Variants in EPHA3 observed in about 807,000 individuals in gnomAD.
The protein encoded by EPHA3 is EPH receptor A3.
Under a neutral mutation model 107.1 loss-of-function variants are expected in EPHA3, and 42 were observed. The observed-to-expected ratio is 0.39, with a 90% CI of 0.31 to 0.51. The LOEUF is 0.51. Ranked by LOEUF, EPHA3 falls within the 20% of genes least tolerant of loss-of-function variation. The probability of loss-of-function intolerance (pLI) is 0.78; values close to 1 mark genes in which losing one functional copy is unlikely to be tolerated. For synonymous variants in EPHA3, 461 were observed against 424.8 expected (o/e 1.09, Z -1.05); for missense variants, 1,183 against 1,211.2 (o/e 0.98, Z 0.35).
At chr3:89,249,902 A>G (rs1218627014) in intron 3 of EPHA3, among the ~76,000 whole-genome samples, 4 of 152,148 alleles carry the variant, frequency 2.6e-5, no homozygotes, top group Non-Finnish European at 5.9e-5. Context: ...GATTCACCCA[A>G]CATTCACTCT....
chr3:89,321,206 G>A (rs1707036400), intron 3 of EPHA3, among the ~76,000 whole-genome samples: 1 of 152,026 alleles, frequency 6.6e-6, no homozygotes. Context: ...GAAGCAGCAT[G>A]TGAGTTGAAG....
intron 5 of EPHA3, among the ~76,000 whole-genome samples, chr3:89,350,929 GGGGGTCA>G (rs1364948037): frequency 6.6e-6 from 1 of 151,378 alleles, no homozygotes; most frequent in Non-Finnish European, 1.5e-5. Flanking sequence ...TAGGCTGCTC[GGGGGTCA>G]GGGGTCAGGG....
intron 2 of EPHA3, among the ~76,000 whole-genome samples, chr3:89,172,974 TAATG>T (rs1212441230): frequency 1.3e-5 from 2 of 152,152 alleles, no homozygotes; most frequent in African/African-American, 2.4e-5. Context: ...GTTAAAGTCT[TAATG>T]AAGAAGAAAT....
intron 3 of EPHA3, among the ~76,000 whole-genome samples, chr3:89,242,356 G>A (rs1704917958): frequency 6.6e-6 from 1 of 152,178 alleles, no homozygotes; most frequent in South Asian, 2.1e-4. Context: ...GTAAGTTTCA[G>A]TGTGAATACA....
chr3:89,181,246 C>T (rs1413786586), intron 2 of EPHA3, among the ~76,000 whole-genome samples: 1 of 151,902 alleles, frequency 6.6e-6, no homozygotes, highest in East Asian at 1.9e-4. Flanking sequence ...TTGTAATAGG[C>T]ATGTTGAAGA....
chr3:89,328,742 T>G (rs1302313986), intron 3 of EPHA3, among the ~76,000 whole-genome samples: 3 of 152,050 alleles, frequency 2.0e-5, no homozygotes, highest in Non-Finnish European at 4.4e-5. Flanking sequence ...GCCCTAACCT[T>G]CTCCTCAGGA....
intron 3 of EPHA3, among the ~76,000 whole-genome samples, chr3:89,300,805 G>A (rs1281006351): frequency 2.0e-5 from 3 of 151,946 alleles, no homozygotes; most frequent in Non-Finnish European, 4.4e-5. Flanking sequence ...TTTTTAAAAA[G>A]GGAACCTCTC....
intron 3 of EPHA3, among the ~76,000 whole-genome samples, chr3:89,234,714 C>T (rs1182987382): frequency 6.6e-6 from 1 of 151,084 alleles, no homozygotes; most frequent in Non-Finnish European, 1.5e-5. Context: ...TTCCCCCTTC[C>T]CTTCCCTTTT....
intron 3 of EPHA3, among the ~76,000 whole-genome samples, chr3:89,320,791 A>C (rs1707024499): frequency 6.6e-6 from 1 of 152,100 alleles, no homozygotes; most frequent in African/African-American, 2.4e-5. Context: ...GAAATATTCA[A>C]AATGTTACTA....
At chr3:89,271,788 T>C (rs1004969538) in intron 3 of EPHA3, among the ~76,000 whole-genome samples, 19 of 151,782 alleles carry the variant, frequency 1.3e-4, no homozygotes, top group Admixed American at 3.3e-4. Context: ...AAATAGAAAA[T>C]GCCATCAAGC....
At chr3:89,434,865 C>T (rs1480272657) in intron 13 of EPHA3, among the ~76,000 whole-genome samples, 1 of 152,076 alleles carries the variant, frequency 6.6e-6, no homozygotes, top group Non-Finnish European at 1.5e-5. Context: ...ATAGCTGTTT[C>T]GAGTTCTTCA....
At chr3:89,329,837 A>G (rs9310121) in intron 3 of EPHA3, among the ~76,000 whole-genome samples, 71,980 of 151,710 alleles carry the variant, frequency 0.47, 17,506 homozygotes, top group African/African-American at 0.56. Context: ...CTTCACTGGG[A>G]GAGGGGAATA....
intron 2 of EPHA3, among the ~76,000 whole-genome samples, chr3:89,208,746 G>T (rs373555493): frequency 6.6e-6 from 1 of 152,054 alleles, no homozygotes; most frequent in African/African-American, 2.4e-5. Flanking sequence ...TACTTATCTC[G>T]ATTCAAACAC....
chr3:89,146,033 C>T (rs1559751708), intron 2 of EPHA3, among the ~76,000 whole-genome samples: 1 of 151,838 alleles, frequency 6.6e-6, no homozygotes, highest in Non-Finnish European at 1.5e-5. Context: ...GATTTCTGTG[C>T]TTTCAGTTAC....
chr3:89,110,773 G>A (rs1394245220), intron 1 of EPHA3, among the ~76,000 whole-genome samples: 1 of 151,794 alleles, frequency 6.6e-6, no homozygotes, highest in Non-Finnish European at 1.5e-5. Context: ...GATGATTAAT[G>A]GTAAACAGAA....
chr3:89,322,467 G>C (rs532351921), intron 3 of EPHA3, among the ~76,000 whole-genome samples: 2 of 152,152 alleles, frequency 1.3e-5, no homozygotes, highest in South Asian at 4.1e-4. Flanking sequence ...CGATGGTACT[G>C]TACTTACTGA....
At chr3:89,192,960 C>T (rs1490098267) in intron 2 of EPHA3, among the ~76,000 whole-genome samples, 3 of 151,942 alleles carry the variant, frequency 2.0e-5, no homozygotes, top group Non-Finnish European at 4.4e-5. Context: ...GAAATATTTT[C>T]AAATAAATAT....
At chr3:89,214,676 G>A (rs1704182769) in intron 3 of EPHA3, among the ~76,000 whole-genome samples, 1 of 151,690 alleles carries the variant, frequency 6.6e-6, no homozygotes. Context: ...TTATTGTTAA[G>A]TGTTATTTTT....
rs1390092561 is a variant in EPHA3, at chr3:89,283,590, C to T, written c.815-57326C>T. 3.3e-5 allele frequency among the ~76,000 whole-genome samples: 5 copies of T among 152,090 alleles called. No homozygotes were observed. In the East Asian group the frequency reaches 9.6e-4, roughly 29 times the overall value. ...ATGACATTTTACATATGCATTGCCA[C>T]ATAGTGAAATGAGAGCAGAAGCAAA... On this transcript the variant is annotated intron_variant, in intron 3 of 16. Coordinates refer to ENST00000336596, the MANE Select transcript of EPHA3 (RefSeq NM_005233.6).
Sources: gnomAD v4.1 joint callset for allele counts (sites outside exome capture counted in the v4.1 genomes callset) on GRCh38, gnomAD v4.1.1 for gene constraint, MANE v1.5 for transcripts, NCBI Gene and HGNC (gene_info 2026-07-23, HGNC 2026-07-21) for gene names.